The following SLC45A4 variants were observed in gnomAD, a reference collection of about 807,000 sequenced individuals.
SLC45A4 encodes the protein polyamine-transporter SLC45A4.
In SLC45A4, 32 loss-of-function variants were observed where a neutral mutation model predicts 63.7. That is an observed-to-expected ratio of 0.50 (90% CI 0.38 to 0.67). SLC45A4 has a LOEUF of 0.67. Among genes scored for constraint, SLC45A4 ranks in the 30% least tolerant of loss-of-function variants. SLC45A4 has a pLI of 0.00. For missense variants in SLC45A4, 1,027 were observed against 1,157.7 expected (o/e 0.89, Z 1.64); for synonymous variants, 535 against 510.0 (o/e 1.05, Z -0.66).
intron 4 of SLC45A4, 43 bp downstream of exon 4, chr8:141,219,607 C>A: frequency 6.4e-7 from 1 of 1,565,800 alleles, no homozygotes; most frequent in South Asian, 1.2e-5. Context: ...CAGGCCCGGG[C>A]ACGTTGGAAC....
At chr8:141,228,343 C>G (rs563890040) in intron 2 of SLC45A4, 361 of 1,583,708 alleles carry the variant, frequency 2.3e-4, no homozygotes, top group Non-Finnish European at 2.7e-4. Flanking sequence ...TCCTCTTCAA[C>G]AAGGAGGGGC....
Position 141,227,216 on chromosome 8 carries a change from C to T in SLC45A4, c.242-5451G>A, listed in dbSNP as rs560871821. 7.2e-4 allele frequency among the ~76,000 whole-genome samples: 110 copies of T among 152,288 alleles called. 1 individual carries two copies. Among genetic ancestry groups the T allele is most frequent in the African/African-American group, 2.6e-3 (108 of 41,546 alleles). On this transcript the variant is annotated intron_variant, in intron 2 of 8. Coordinates refer to ENST00000517878, the MANE Select transcript of SLC45A4 (RefSeq NM_001286646.2). This position sits in a 1 kb window ranked among gnomAD's most constrained non-coding sequence, Gnocchi z 4.4. ...AGGAAATACTGTGTCACCGCTCGGC[C>T]GCAGGCTGTGTGAGGTCACGGGCGA...
chr8:141,212,984 GC>G (rs1825930078), intron 7 of SLC45A4, among the ~76,000 whole-genome samples: 1 of 152,242 alleles, frequency 6.6e-6, no homozygotes, highest in Non-Finnish European at 1.5e-5. Flanking sequence ...TGCAACAAAG[GC>G]TGGACCCACG....
At chr8:141,251,032 G>A (rs979008991) in intron 2 of SLC45A4, among the ~76,000 whole-genome samples, 4 of 152,146 alleles carry the variant, frequency 2.6e-5, no homozygotes, top group African/African-American at 9.7e-5. Context: ...AGTTCCTAAT[G>A]ACTCTTTATC....
Position 141,221,433 on chromosome 8 carries a change from G to A in SLC45A4, c.430+144C>T, listed in dbSNP as rs1196627917. On this transcript the variant is annotated intron_variant, in intron 3 of 8. Transcript: ENST00000517878. Reference sequence around the variant, plus strand: ...TTCGGCGCTGCCAGGGGTGGTCACCGCCAGGGTGGCCCCGGCAGCCCAGCC... The same window carrying A: ...TTCGGCGCTGCCAGGGGTGGTCACCACCAGGGTGGCCCCGGCAGCCCAGCC... 1.9e-5 allele frequency: 20 copies of A among 1,055,828 alleles called. No individual in the cohort carries two copies. In the East Asian group the frequency reaches 2.3e-4, roughly 12 times the overall value. 65.4% of individuals were successfully genotyped at this position (1,055,828 alleles called of 1,614,324 possible). A position where few individuals can be genotyped will look rare whatever the true frequency, so the allele number is the denominator to read the frequency against.
chr8:141,213,708 C>T (rs925368362), intron 7 of SLC45A4, among the ~76,000 whole-genome samples: 5 of 152,168 alleles, frequency 3.3e-5, no homozygotes, highest in African/African-American at 7.2e-5. Context: ...CGCAAGCACG[C>T]GGACACGTGG....
At position 141,218,001 on chromosome 8, in the gene SLC45A4, G is replaced by A. The variant is rs368502102; in HGVS notation, c.1629+10C>T. 15 of 1,582,520 alleles carry A rather than the reference G, an allele frequency of 9.5e-6. No homozygotes were observed. Among genetic ancestry groups the A allele is most frequent in the Middle Eastern group, 1.7e-4 (1 of 5,934 alleles). On this transcript the variant is annotated intron_variant, in intron 5 of 8. Transcript: ENST00000517878. ...AGAGAGCGGCCCCGCTCCGGTGGCC[G>A]AGCACTCACCTTGGGGTCGCCTTCG...
At chr8:141,247,437 G>T (rs1828269430) in intron 2 of SLC45A4, among the ~76,000 whole-genome samples, 1 of 152,178 alleles carries the variant, frequency 6.6e-6, no homozygotes, top group Admixed American at 6.5e-5. Context: ...TTATGTTCAT[G>T]GATCGAAGGA....
At chr8:141,232,772 G>A (rs998280405) in intron 2 of SLC45A4, among the ~76,000 whole-genome samples, 4 of 149,662 alleles carry the variant, frequency 2.7e-5, no homozygotes, top group Non-Finnish European at 5.9e-5. Context: ...AAGCTGCAAC[G>A]GGAACACACA....
intron 8 of SLC45A4, 103 bp from the exon 9 acceptor site, chr8:141,211,800 C>A: frequency 1.5e-6 from 2 of 1,350,800 alleles, no homozygotes; most frequent in Middle Eastern, 2.0e-4. Context: ...ATTTTGTTTT[C>A]AATTATAATT....
In SLC45A4 at chr8:141,239,721, A is replaced by AT. The variant is rs557691684; in HGVS notation, c.241+14267dup. Among the ~76,000 whole-genome samples the AT allele has an allele frequency of 2.6e-5, 4 of 152,350 alleles. No homozygotes were observed. In the South Asian group the frequency reaches 8.3e-4, roughly 32 times the overall value. On this transcript the variant is annotated intron_variant, in intron 2 of 8. Coordinates refer to ENST00000517878, the MANE Select transcript of SLC45A4 (RefSeq NM_001286646.2). ...TCAACACTAAGCTATGGTCAGTTGC[A>AT]TAAGACGGCTGCCGGTTTTAGAGAC...
chr8:141,300,532 C>A (rs1830705967), intron 1 of SLC45A4, among the ~76,000 whole-genome samples: 1 of 152,262 alleles, frequency 6.6e-6, no homozygotes, highest in Non-Finnish European at 1.5e-5. Context: ...GGCCCACCTT[C>A]CCAACCCACC....
At position 141,227,607 on chromosome 8, in the gene SLC45A4, A is replaced by G. The variant is rs1381663940; in HGVS notation, c.242-5842T>C. On this transcript the variant is annotated intron_variant, in intron 2 of 8. Coordinates refer to ENST00000517878, the MANE Select transcript of SLC45A4 (RefSeq NM_001286646.2). The surrounding 1 kb of genome is among the most constrained non-coding windows in gnomAD (Gnocchi z 4.4). ...GACAGGAAAGACACTGGGCCGGGGG[A>G]GCCGGGCCCCCAGGGCTCGGGCCAC... Among the ~76,000 whole-genome samples the G allele has an allele frequency of 6.6e-6, 1 of 151,998 alleles. No homozygotes were observed. Among genetic ancestry groups the G allele is most frequent in the South Asian group, 2.1e-4 (1 of 4,810 alleles).
chr8:141,280,100 C>T (rs1408184494), intron 1 of SLC45A4, among the ~76,000 whole-genome samples: 4 of 152,218 alleles, frequency 2.6e-5, no homozygotes, highest in Admixed American at 1.3e-4. Flanking sequence ...TTGCACCCAG[C>T]ACCACGCTGG....
chr8:141,261,621 T>C (rs928278184), intron 1 of SLC45A4, among the ~76,000 whole-genome samples: 1 of 152,090 alleles, frequency 6.6e-6, no homozygotes, highest in African/African-American at 2.4e-5. Context: ...CCCCCATTCA[T>C]AATTGCTTCA....
Position 141,233,238 on chromosome 8 carries a change from T to C in SLC45A4, c.242-11473A>G, listed in dbSNP as rs118040296. 4.7e-4 allele frequency among the ~76,000 whole-genome samples: 72 copies of C among 152,344 alleles called. No homozygotes were observed. The East Asian group carries it at 0.012, about 25-fold the overall frequency. ...CAGCTGGGCTGCAGACATTCGTTCA[T>C]TGTACCCTGCCTACTGCCACACACT... On this transcript the variant is annotated intron_variant, in intron 2 of 8. Transcript: ENST00000517878.
At chr8:141,246,902 C>T (rs773697302) in intron 2 of SLC45A4, among the ~76,000 whole-genome samples, 9 of 152,148 alleles carry the variant, frequency 5.9e-5, no homozygotes, top group Admixed American at 2.6e-4. Context: ...ATTGCTTGAG[C>T]CCAGGAGTTT....
chr8:141,298,405 C>G (rs1300154294), intron 1 of SLC45A4, among the ~76,000 whole-genome samples: 1 of 152,254 alleles, frequency 6.6e-6, no homozygotes, highest in Non-Finnish European at 1.5e-5. Context: ...TCTCAGGCAC[C>G]TGCCTTGAGC....
At chr8:141,253,092 T>G (rs1828587650) in intron 2 of SLC45A4, 1 of 167,242 alleles carries the variant, frequency 6.0e-6, no homozygotes, top group Non-Finnish European at 1.3e-5. Context: ...TGAATTTCCG[T>G]GTTTTCACGC....
Sources: gnomAD v4.1 joint callset for allele counts (sites outside exome capture counted in the v4.1 genomes callset) on GRCh38, gnomAD v4.1.1 for gene constraint, Gnocchi (gnomAD v3.1) non-coding constraint, MANE v1.5 for transcripts, NCBI Gene and HGNC (gene_info 2026-07-23, HGNC 2026-07-21) for gene names.